The following EIF3C variants were observed in gnomAD, a reference collection of about 807,000 sequenced individuals.
The protein encoded by EIF3C is cell migration-inducing protein 17.
In EIF3C, 2 loss-of-function variants were observed where a neutral mutation model predicts 11.1. That is an observed-to-expected ratio of 0.18 (90% CI 0.07 to 0.57). The LOEUF is 0.57. EIF3C is among the 20% of genes least tolerant of loss of function. The probability of loss-of-function intolerance (pLI) is 0.92; values close to 1 mark genes in which losing one functional copy is unlikely to be tolerated. For synonymous variants in EIF3C, 2 were observed against 41.5 expected (o/e 0.05, Z 3.66); for missense variants, 16 against 114.6 (o/e 0.14, Z 3.93).
intron 8 of EIF3C, chr16:28,722,852 G>A: frequency 2.2e-6 from 1 of 459,202 alleles, no homozygotes; most frequent in South Asian, 2.7e-5. Context: ...ACCATGCCTG[G>A]CTAATTTTTG....
chr16:28,698,275 C>G (rs1223798298), intron 1 of EIF3C, among the ~76,000 whole-genome samples: 11 of 124,266 alleles, frequency 8.9e-5, no homozygotes, highest in Non-Finnish European at 1.9e-4. Flanking sequence ...CCATCTCCCT[C>G]CCGGACGGGG....
intron 1 of EIF3C, among the ~76,000 whole-genome samples, chr16:28,697,501 TG>T (rs2048245072): frequency 4.0e-5 from 1 of 24,736 alleles, no homozygotes; most frequent in African/African-American, 5.5e-4. Flanking sequence ...AGCACAGGGT[TG>T]GGGGTAAGGT....
At chr16:28,698,153 C>T (rs1191623187) in intron 1 of EIF3C, among the ~76,000 whole-genome samples, 12 of 73,360 alleles carry the variant, frequency 1.6e-4, no homozygotes, top group East Asian at 5.1e-4. Flanking sequence ...CCCTCCCGGA[C>T]GGGGCGGCTG....
intron 2 of EIF3C, among the ~76,000 whole-genome samples, chr16:28,712,762 CT>C (rs1357959754): frequency 2.0e-5 from 3 of 148,632 alleles, no homozygotes; most frequent in African/African-American, 7.4e-5. Flanking sequence ...AATCCCAGCA[CT>C]TTGGGAGGCT....
rs1409834060 is a variant in EIF3C at position 28,688,991 on chromosome 16, A to G, written c.-31+163A>G. Among the ~76,000 whole-genome samples, 11 of 43,812 alleles carry G rather than the reference A, an allele frequency of 2.5e-4. 5 individuals are homozygous for G. The highest frequency in any genetic ancestry group is 2.4e-3 in the Admixed American group (9 of 3,828). 28.7% of individuals were successfully genotyped at this position (43,812 alleles called of 152,430 possible). On this transcript the variant is annotated intron_variant, in intron 1 of 20. Transcript: ENST00000566501. ...ACTGGCATGATCTCGGCTGACTGCA[A>G]CCTCTGCTTCCCGGGTTCAAGCGAT...
At chr16:28,699,850 T>A (rs2048271178) in intron 1 of EIF3C, among the ~76,000 whole-genome samples, 1 of 97,180 alleles carries the variant, frequency 1.0e-5, no homozygotes, top group Non-Finnish European at 2.1e-5. Context: ...AGCCTCTTTT[T>A]TTTTTCTTTT....
intron 10 of EIF3C, among the ~76,000 whole-genome samples, chr16:28,723,773 CTTTT>C (rs1157386167): frequency 0.059 from 234 of 3,942 alleles, 7 homozygotes; most frequent in South Asian, 0.13. Context: ...ATGTTCTCCT[CTTTT>C]TTTTTTTTTT....
chr16:28,698,380 G>A (rs1352115345), intron 1 of EIF3C, among the ~76,000 whole-genome samples: 2 of 101,448 alleles, frequency 2.0e-5, no homozygotes, highest in Non-Finnish European at 3.8e-5. Flanking sequence ...GCCGGGTGGG[G>A]GGCTGACCCT....
rs1046018826 is a variant in EIF3C, at chr16:28,723,471, G to A, written c.960G>A (p.Lys320=). The change falls in exon 10 of 21, where the codon AAG becomes AAA. Residue 320 remains lysine (K), a synonymous_variant. Coordinates refer to ENST00000331666, the MANE Select transcript of EIF3C (RefSeq NM_003752.5). ...LVKEKPKMFA[K]GTEITHAVVI... ...AGGAGAAGCCAAAAATGTTTGCCAAGGGAACTGAGATCACCCATGCTGTTG... is the reference window on the plus strand; with the variant it reads ...AGGAGAAGCCAAAAATGTTTGCCAAAGGAACTGAGATCACCCATGCTGTTG... 2 of 1,610,794 alleles carry A rather than the reference G, an allele frequency of 1.2e-6. No homozygotes were observed. The highest frequency in any genetic ancestry group is 1.1e-5 in the South Asian group (1 of 91,002).
chr16:28,698,158 C>A (rs1596703432), intron 1 of EIF3C, among the ~76,000 whole-genome samples: 1 of 80,544 alleles, frequency 1.2e-5, no homozygotes, highest in Non-Finnish European at 2.5e-5. Context: ...CCGGACGGGG[C>A]GGCTGGCCGG....
chr16:28,728,474 GTTGTGTGTGTATCTTTTAGGGGGTGT>G (rs757162360), intron 15 of EIF3C, among the ~76,000 whole-genome samples: 1,537 of 76,848 alleles, frequency 0.02, 38 homozygotes, highest in East Asian at 0.059. Flanking sequence ...TCTTTTAGGG[GTTGTGTGTGTATCTTTTAGGGGGTGT>G]GTGTGTGTGT....
intron 8 of EIF3C, among the ~76,000 whole-genome samples, chr16:28,718,614 G>GTTT (rs576228155): frequency 7.1e-4 from 32 of 45,264 alleles, no homozygotes; most frequent in Non-Finnish European, 8.6e-4. Context: ...CTTGTTTAAA[G>GTTT]TTTTTTTTTT....
At chr16:28,698,651 G>T (rs2048261327) in intron 1 of EIF3C, among the ~76,000 whole-genome samples, 1 of 83,468 alleles carries the variant, frequency 1.2e-5, no homozygotes, top group Non-Finnish European at 2.1e-5. Context: ...TGGCTGCCGG[G>T]CGGAGAGGCT....
chr16:28,697,815 G>A (rs1397323399), intron 1 of EIF3C, among the ~76,000 whole-genome samples: 2 of 95,190 alleles, frequency 2.1e-5, no homozygotes. Context: ...CGCCGGGCAG[G>A]GGGGCTGACC....
chr16:28,694,304 G>C lies in EIF3C; in HGVS notation c.-31+5476G>C, dbSNP rs1259626981. 3.8e-5 allele frequency among the ~76,000 whole-genome samples: 2 copies of C among 52,320 alleles called. 1 individual carries two copies. The highest frequency in any genetic ancestry group is 7.3e-5 in the Non-Finnish European group (2 of 27,354). The allele number at this position is 52,320 out of a possible 152,430, so 34.3% of individuals were successfully genotyped here. On this transcript the variant is annotated intron_variant, in intron 1 of 20. Coordinates refer to the EIF3C transcript ENST00000566501. Reference sequence around the variant, plus strand: ...GAACCTGGGAGGCGGAGGTTGCAGTGAGCTGAGACTGTACCATTGCACTCC... The same window carrying C: ...GAACCTGGGAGGCGGAGGTTGCAGTCAGCTGAGACTGTACCATTGCACTCC...
intron 1 of EIF3C, among the ~76,000 whole-genome samples, chr16:28,697,805 C>G (rs1194078690): frequency 3.9e-4 from 32 of 82,006 alleles, no homozygotes; most frequent in South Asian, 8.1e-4. Context: ...TGGGGCGGCT[C>G]GCCGGGCAGG....
chr16:28,688,772 G>A (rs2048208176), exon 1 of EIF3C: 1 of 12,808 alleles, frequency 7.8e-5, no homozygotes, highest in East Asian at 2.9e-3. Flanking sequence ...ATGGGCTGCA[G>A]CCACCTCTCT....
chr16:28,689,311 G>T lies in EIF3C; in HGVS notation c.-31+483G>T, dbSNP rs1596699479. The stretch of plus-strand genomic sequence containing the variant: ...ACTTCCCTGTTTAAATGACTCTGTG[G>T]TTTCCGCCTTGTGAGTGGATCCCGA... On this transcript the variant is annotated intron_variant, in intron 1 of 20. Transcript: ENST00000566501. 4.2e-5 allele frequency among the ~76,000 whole-genome samples: 2 copies of T among 47,858 alleles called. 1 individual carries two copies. Among genetic ancestry groups the T allele is most frequent in the Non-Finnish European group, 7.2e-5 (2 of 27,596 alleles). The allele number at this position is 47,858 out of a possible 152,430, so 31.4% of individuals were successfully genotyped here.
intron 1 of EIF3C, among the ~76,000 whole-genome samples, chr16:28,697,989 G>C (rs1300345494): frequency 0.018 from 845 of 46,156 alleles, 73 homozygotes; most frequent in Non-Finnish European, 0.025. Flanking sequence ...GGCTGGCCGG[G>C]CGGGGGGGCT....
Sources: gnomAD v4.1 joint callset for allele counts (sites outside exome capture counted in the v4.1 genomes callset) on GRCh38, gnomAD v4.1.1 for gene constraint, MANE v1.5 for transcripts, NCBI Gene and HGNC (gene_info 2026-07-23, HGNC 2026-07-21) for gene names.